AGFG1: variants seen among roughly 807,000 people sequenced by gnomAD.
AGFG1 encodes arf-GAP domain and FG repeat-containing protein 1.
In AGFG1, 10 loss-of-function variants were observed where a neutral mutation model predicts 60.6. The ratio of observed to expected loss-of-function variants is 0.16; its 90% CI spans 0.10 to 0.28. The LOEUF is 0.28. Among genes scored for constraint, AGFG1 ranks in the 10% least tolerant of loss-of-function variants. AGFG1 has a pLI of 1.00. For missense variants in AGFG1, 537 were observed against 676.5 expected (o/e 0.79, Z 2.29); for synonymous variants, 247 against 242.9 (o/e 1.02, Z -0.16).
intron 1 of AGFG1, among the ~76,000 whole-genome samples, chr2:227,490,112 A>G (rs4277518): frequency 0.65 from 99,157 of 151,892 alleles, 32,328 homozygotes; most frequent in South Asian, 0.75. Context: ...CACAGCACCC[A>G]GCCCAAAAAT....
intron 1 of AGFG1, among the ~76,000 whole-genome samples, chr2:227,484,686 TTG>T (rs1415981179): frequency 0.012 from 114 of 9,612 alleles, 9 homozygotes; most frequent in Non-Finnish European, 0.011. Context: ...AGTTTTTTTT[TTG>T]TTTTTTTTTT....
intron 10 of AGFG1, among the ~76,000 whole-genome samples, chr2:227,544,177 C>T (rs545184176): frequency 2.0e-4 from 20 of 101,668 alleles, no homozygotes; most frequent in African/African-American, 6.2e-4. Flanking sequence ...TTTTTTGAGA[C>T]GGAGTCTCGC....
chr2:227,477,723 A>T (rs562552741), intron 1 of AGFG1, among the ~76,000 whole-genome samples: 2 of 152,150 alleles, frequency 1.3e-5, no homozygotes, highest in African/African-American at 4.8e-5. Flanking sequence ...CTCCTGCCTC[A>T]GCCTCCCAAG....
rs1270129348 is a variant in AGFG1, at chr2:227,497,730, GTTTTGTTTTTTTTT to G, written c.261+6095_261+6108del. Among the ~76,000 whole-genome samples, 52 of 38,926 alleles carry G rather than the reference GTTTTGTTTTTTTTT, an allele frequency of 1.3e-3. 2 individuals carry two copies. The South Asian group carries it at 0.038, about 29-fold the overall frequency. 25.5% of individuals were successfully genotyped at this position (38,926 alleles called of 152,430 possible). On this transcript the variant is annotated intron_variant, in intron 2 of 12. Coordinates refer to ENST00000310078, the MANE Select transcript of AGFG1 (RefSeq NM_004504.5). ...ATATAGCCAAATGAGTTTCTTTCTTGTTTTGTTTTTTTTTTTTTTTTTTTTTTTTTTGGGGACGG... is the reference window on the plus strand; with the variant it reads ...ATATAGCCAAATGAGTTTCTTTCTTGTTTTTTTTTTTTTTTTTGGGGACGG...
intron 2 of AGFG1, among the ~76,000 whole-genome samples, chr2:227,496,502 G>A (rs931697467): frequency 1.3e-5 from 2 of 152,072 alleles, no homozygotes; most frequent in Non-Finnish European, 2.9e-5. Context: ...AGGTCCTAGG[G>A]ATACAAAAAG....
Position 227,535,827 on chromosome 2 carries a change from G to A in AGFG1, c.1206-798G>A, listed in dbSNP as rs1357033420. On this transcript the variant is annotated intron_variant, in intron 8 of 12. Coordinates refer to ENST00000310078, the MANE Select transcript of AGFG1 (RefSeq NM_004504.5). ...CTTTATATATAATACATGATTTATT[G>A]ATATTACATTACAGTACATCAGGGG... Among the ~76,000 whole-genome samples, 8 of 152,196 alleles carry A rather than the reference G, an allele frequency of 5.3e-5. No homozygotes were observed. In the East Asian group the frequency reaches 1.5e-3, roughly 29 times the overall value.
intron 10 of AGFG1, among the ~76,000 whole-genome samples, chr2:227,537,452 C>A (rs763084016): frequency 3.9e-5 from 6 of 152,202 alleles, no homozygotes; most frequent in Non-Finnish European, 7.4e-5. Context: ...ATTATTAGGT[C>A]TTTTTCTAGT....
intron 5 of AGFG1, among the ~76,000 whole-genome samples, chr2:227,529,728 A>G (rs1039272628): frequency 1.3e-4 from 20 of 152,120 alleles, no homozygotes; most frequent in East Asian, 1.2e-3. Context: ...GTCACATTCT[A>G]TACTGTAGGA....
rs1575073791 is a variant in AGFG1, at chr2:227,496,826, G to A, written c.261+5186G>A. 2.0e-5 allele frequency among the ~76,000 whole-genome samples: 3 copies of A among 152,226 alleles called. No homozygotes were observed. In the East Asian group the frequency reaches 5.8e-4, roughly 29 times the overall value. On this transcript the variant is annotated intron_variant, in intron 2 of 12. Coordinates refer to ENST00000310078, the MANE Select transcript of AGFG1 (RefSeq NM_004504.5). ...CAATTTTTATTTTCATTCCTGGTTT[G>A]GATGGTTTCTGTAGGGGGATTTTTC... is the stretch of plus-strand genomic sequence containing the variant.
intron 2 of AGFG1, among the ~76,000 whole-genome samples, chr2:227,510,171 CTTA>C (rs1200530040): frequency 2.0e-5 from 3 of 152,042 alleles, no homozygotes; most frequent in Non-Finnish European, 4.4e-5. Flanking sequence ...GGGAGGGGTG[CTTA>C]CTGTACTCAT....
chr2:227,536,991 C>G lies in AGFG1; in HGVS notation c.1376C>G (p.Thr459Arg). 1 of 1,611,440 alleles carries G rather than the reference C, an allele frequency of 6.2e-7. No individual in the cohort carries two copies. The highest frequency in any genetic ancestry group is 1.1e-5 in the South Asian group (1 of 90,648). Residue 459 changes from threonine (T) to arginine (R), a missense_variant and splice_region_variant, in exon 10 of 13, where the codon ACA (threonine) becomes AGA (arginine). Transcript: ENST00000310078. ...TTTCAGACCAATGCCAGAGGAGCAA[C>G]AGGTAAGAAAAAGAGACAGTGGAAC... ...NPFQTNARGA[T>R]AATFGTASMS...
intron 7 of AGFG1, among the ~76,000 whole-genome samples, chr2:227,534,392 CTAGCACA>C (rs1281389670): frequency 2.6e-5 from 4 of 152,160 alleles, no homozygotes; most frequent in Non-Finnish European, 5.9e-5. Flanking sequence ...AGAACAGTGC[CTAGCACA>C]TAGTAAGTCC....
intron 1 of AGFG1, among the ~76,000 whole-genome samples, 189 bp downstream of exon 1, chr2:227,472,777 G>C (rs1250051921): frequency 6.6e-6 from 1 of 151,826 alleles, no homozygotes; most frequent in Admixed American, 6.5e-5. Context: ...GGCCCGGGCA[G>C]CCGGGCTGGG....
At chr2:227,486,546 G>A (rs1690644427) in intron 1 of AGFG1, among the ~76,000 whole-genome samples, 1 of 151,844 alleles carries the variant, frequency 6.6e-6, no homozygotes, top group Non-Finnish European at 1.5e-5. Flanking sequence ...TATTTGTTGT[G>A]GACACTTTCC....
intron 1 of AGFG1, among the ~76,000 whole-genome samples, chr2:227,488,902 C>T (rs1162712933): frequency 1.3e-5 from 2 of 152,234 alleles, no homozygotes; most frequent in Admixed American, 6.5e-5. Flanking sequence ...CACCCTCTGC[C>T]TCCCAGGTTC....
intron 10 of AGFG1, among the ~76,000 whole-genome samples, chr2:227,538,837 G>A (rs1692391731): frequency 6.6e-6 from 1 of 151,830 alleles, no homozygotes; most frequent in African/African-American, 2.4e-5. Context: ...AATGTACAAC[G>A]TATGTGCAGA....
At chr2:227,479,615 C>A (rs1459632180) in intron 1 of AGFG1, among the ~76,000 whole-genome samples, 1 of 152,110 alleles carries the variant, frequency 6.6e-6, no homozygotes, top group African/African-American at 2.4e-5. Flanking sequence ...GTGAGAAACT[C>A]CTATGGAAAT....
At chr2:227,519,598 T>C (rs529737751) in intron 2 of AGFG1, among the ~76,000 whole-genome samples, 1 of 152,336 alleles carries the variant, frequency 6.6e-6, no homozygotes, top group East Asian at 1.9e-4. Context: ...AAAGGGCCTG[T>C]GAAATAGCCA....
intron 5 of AGFG1, among the ~76,000 whole-genome samples, chr2:227,529,994 A>G (rs770788069): frequency 6.6e-6 from 1 of 152,130 alleles, no homozygotes; most frequent in Non-Finnish European, 1.5e-5. Flanking sequence ...CAGATGAAAC[A>G]AAGCATATCT....
Sources: gnomAD v4.1 joint callset for allele counts (sites outside exome capture counted in the v4.1 genomes callset) on GRCh38, gnomAD v4.1.1 for gene constraint, MANE v1.5 for transcripts, NCBI Gene and HGNC (gene_info 2026-07-23, HGNC 2026-07-21) for gene names.